Variants in CNTNAP2 observed in about 807,000 individuals in gnomAD.
CNTNAP2 encodes contactin-associated protein-like 2.
CNTNAP2 carries 98 observed loss-of-function variants against 155.2 expected under a neutral mutation model. The observed-to-expected ratio is 0.63, with a 90% CI of 0.54 to 0.75. CNTNAP2 has a LOEUF of 0.75. Among genes scored for constraint, CNTNAP2 ranks in the 30% least tolerant of loss-of-function variants. The pLI, the probability that CNTNAP2 is intolerant of heterozygous loss-of-function variation, is 0.00. For synonymous variants in CNTNAP2, 651 were observed against 631.2 expected, an observed-to-expected ratio of 1.03 and a Z score of -0.47; for missense variants, 1,727 against 1,688.1, an observed-to-expected ratio of 1.02 and a Z score of -0.40.
At chr7:146,996,441 A>G (rs1451148645) in intron 3 of CNTNAP2, among the ~76,000 whole-genome samples, 2 of 152,080 alleles carry the variant, frequency 1.3e-5, no homozygotes, top group Non-Finnish European at 2.9e-5. Flanking sequence ...CTCCCTGGTT[A>G]AAATTTTTGG....
At chr7:148,308,101 T>G (rs1407397291) in intron 21 of CNTNAP2, among the ~76,000 whole-genome samples, 4 of 152,332 alleles carry the variant, frequency 2.6e-5, no homozygotes, top group East Asian at 1.9e-4. Flanking sequence ...CAAGTAATTT[T>G]TTTCAAATAG....
intron 12 of CNTNAP2, among the ~76,000 whole-genome samples, chr7:147,569,001 C>T (rs1017876025): frequency 2.0e-5 from 3 of 152,082 alleles, no homozygotes; most frequent in Non-Finnish European, 4.4e-5. Context: ...TGCTCTAGTG[C>T]GTGAAGTTTA....
intron 15 of CNTNAP2, among the ~76,000 whole-genome samples, chr7:148,001,461 C>G (rs1268491406): frequency 6.6e-6 from 1 of 152,130 alleles, no homozygotes; most frequent in Non-Finnish European, 1.5e-5. Flanking sequence ...CACTGTTACT[C>G]AATTTTTTTT....
intron 1 of CNTNAP2, among the ~76,000 whole-genome samples, chr7:146,750,276 C>T (rs555742370): frequency 4.4e-4 from 67 of 152,244 alleles, no homozygotes; most frequent in African/African-American, 1.5e-3. Context: ...TCTTCTCTTT[C>T]CACCCCTACC....
chr7:147,526,991 A>T (rs554911920), intron 11 of CNTNAP2, among the ~76,000 whole-genome samples: 3 of 142,240 alleles, frequency 2.1e-5, no homozygotes, highest in Admixed American at 7.0e-5. Context: ...TTTGATTTCC[A>T]TGAATTATGG....
rs201445597 is a variant in CNTNAP2 at position 147,552,436 on chromosome 7, G to GACTTT, written c.1778-9700_1778-9696dup. ...CTTTTTATTATTTGAATCATAGAAT[G>GACTTT]ACTTTAAATGACTAAAGTTTGCATT... On this transcript the variant is annotated intron_variant, in intron 11 of 23. Transcript: ENST00000361727. Among the ~76,000 whole-genome samples the GACTTT allele has an allele frequency of 6.5e-3, 984 of 152,084 alleles. 12 individuals are homozygous for GACTTT. Among genetic ancestry groups the GACTTT allele is most frequent in the African/African-American group, 0.022 (925 of 41,502 alleles).
chr7:148,292,106 T>TTTTTG (rs914282583), intron 21 of CNTNAP2, among the ~76,000 whole-genome samples: 8 of 152,154 alleles, frequency 5.3e-5, no homozygotes, highest in African/African-American at 9.7e-5. Context: ...AGCAAAGGTT[T>TTTTTG]TTTTGTTTTG....
chr7:146,879,575 T>A (rs986639949), intron 3 of CNTNAP2, among the ~76,000 whole-genome samples: 1 of 151,946 alleles, frequency 6.6e-6, no homozygotes, highest in African/African-American at 2.4e-5. Context: ...CTCATAACAC[T>A]CCATGAAGTC....
At chr7:147,583,424 C>G (rs1011761431) in intron 12 of CNTNAP2, among the ~76,000 whole-genome samples, 7 of 150,572 alleles carry the variant, frequency 4.6e-5, no homozygotes, top group African/African-American at 1.7e-4. Context: ...GCTCCTACAA[C>G]TCTATTTTTT....
chr7:146,409,732 C>T (rs1270764359), intron 1 of CNTNAP2, among the ~76,000 whole-genome samples: 1 of 152,202 alleles, frequency 6.6e-6, no homozygotes, highest in Non-Finnish European at 1.5e-5. Flanking sequence ...TACCCTTCCA[C>T]TAAGATTTTT....
chr7:147,020,913 T>C (rs1367791327), intron 3 of CNTNAP2, among the ~76,000 whole-genome samples: 1 of 152,160 alleles, frequency 6.6e-6, no homozygotes, highest in African/African-American at 2.4e-5. Flanking sequence ...TTCATGTTCT[T>C]AGAAATATTA....
chr7:146,143,370 T>A, intron 1 of CNTNAP2, among the ~76,000 whole-genome samples: 1 of 152,188 alleles, frequency 6.6e-6, no homozygotes, highest in Admixed American at 6.5e-5. Context: ...AAATTAGATG[T>A]TAAGTTATTA....
At chr7:147,465,589 G>A (rs1798107194) in intron 10 of CNTNAP2, among the ~76,000 whole-genome samples, 1 of 152,216 alleles carries the variant, frequency 6.6e-6, no homozygotes, top group African/African-American at 2.4e-5. Flanking sequence ...CTCAATTTAA[G>A]CATAAATCAA....
chr7:146,957,628 A>G (rs1228749891), intron 3 of CNTNAP2, among the ~76,000 whole-genome samples: 2 of 152,172 alleles, frequency 1.3e-5, no homozygotes, highest in African/African-American at 4.8e-5. Context: ...GATAGAAACA[A>G]TGGCAGTCTT....
intron 1 of CNTNAP2, among the ~76,000 whole-genome samples, chr7:146,445,567 A>G (rs972968928): frequency 6.6e-6 from 1 of 152,206 alleles, no homozygotes; most frequent in African/African-American, 2.4e-5. Flanking sequence ...GCATTTCCCC[A>G]TTAGAGAATC....
intron 4 of CNTNAP2, among the ~76,000 whole-genome samples, chr7:147,048,625 T>C (rs898307356): frequency 2.0e-5 from 3 of 152,302 alleles, no homozygotes; most frequent in Middle Eastern, 3.4e-3. Context: ...GTCAATATGC[T>C]CTAGCCACTA....
At chr7:146,392,190 A>T (rs1170958841) in intron 1 of CNTNAP2, among the ~76,000 whole-genome samples, 2 of 152,122 alleles carry the variant, frequency 1.3e-5, no homozygotes, top group African/African-American at 2.4e-5. Context: ...CCCAACTTTT[A>T]AATGTCATTA....
chr7:147,884,233 T>G (rs17827453), intron 13 of CNTNAP2, among the ~76,000 whole-genome samples: 4,995 of 152,286 alleles, frequency 0.033, 131 homozygotes, highest in Non-Finnish European at 0.053. Context: ...AGCAAAAGCC[T>G]TGAACAATGA....
intron 21 of CNTNAP2, among the ~76,000 whole-genome samples, chr7:148,292,882 C>G (rs1373358140): frequency 1.3e-5 from 2 of 152,140 alleles, no homozygotes; most frequent in African/African-American, 4.8e-5. Context: ...TTGATCTGAA[C>G]CATGCAGCAG....
Sources: allele counts gnomAD v4.1 joint callset (sites outside exome capture counted in the v4.1 genomes callset), GRCh38; gene constraint gnomAD v4.1.1; transcripts MANE v1.5; gene names NCBI Gene and HGNC (gene_info 2026-07-23, HGNC 2026-07-21).